USP9Y: variants seen among roughly 807,000 people sequenced by gnomAD.
The protein encoded by USP9Y is ubiquitin specific peptidase 9 Y-linked.
Under a neutral mutation model 53.1 loss-of-function variants are expected in USP9Y, and 41 were observed. The observed-to-expected ratio is 0.77, with a 90% confidence interval of 0.60 to 1.00. The LOEUF is 1.00. USP9Y is among the 50% of genes least tolerant of loss of function. The probability of loss-of-function intolerance (pLI) is 0.00; values close to 1 mark genes in which losing one functional copy is unlikely to be tolerated. For missense variants in USP9Y, 567 were observed against 535.8 expected (o/e 1.06, Z -0.58); for synonymous variants, 220 against 173.7 (o/e 1.27, Z -2.09).
chrY:12,809,872 G>A (rs2053528043), intron 27 of USP9Y, among the ~76,000 whole-genome samples: 1 of 32,864 alleles, frequency 3.0e-5, no homozygotes, highest in Non-Finnish European at 7.5e-5. Context: ...ATTGATTGAT[G>A]CTTACCTTTG....
intron 16 of USP9Y, among the ~76,000 whole-genome samples, chrY:12,772,942 A>G (rs2053487393): frequency 3.0e-5 from 1 of 32,793 alleles, no homozygotes; most frequent in Non-Finnish European, 7.4e-5. Flanking sequence ...GAAATAGTAG[A>G]CAGAGTGGGT....
chrY:12,814,427 C>T, intron 31 of USP9Y, among the ~76,000 whole-genome samples: 2 of 22,316 alleles, frequency 9.0e-5, no homozygotes, highest in African/African-American at 1.9e-4. Flanking sequence ...ACTTGGGAGG[C>T]TGAGGCAGGA....
chrY:12,755,538 T>C (rs2053467571), intron 12 of USP9Y, among the ~76,000 whole-genome samples: 1 of 33,547 alleles, frequency 3.0e-5, no homozygotes, highest in East Asian at 7.7e-4. Context: ...TTTTATGTTC[T>C]GCTTATTCTC....
chrY:12,706,813 G>A (rs2053419671), intron 1 of USP9Y, among the ~76,000 whole-genome samples: 1 of 33,289 alleles, frequency 3.0e-5, no homozygotes, highest in African/African-American at 1.2e-4. Context: ...TATACTTCAC[G>A]TTTGGTTTTT....
chrY:12,778,188 G>A lies in USP9Y; in HGVS notation c.2809G>A (p.Val937Met). Residue 937 changes from valine to methionine, a missense_variant, in exon 20 of 46, where the codon GTG becomes ATG. Coordinates refer to ENST00000338981, the MANE Select transcript of USP9Y (RefSeq NM_004654.4). ...AGCCCACAAAAAAATTGAACTTTTTGTGGGTGGTGAGCTGATAGATTCTGA... is the reference window on the plus strand; with the variant it reads ...AGCCCACAAAAAAATTGAACTTTTTATGGGTGGTGAGCTGATAGATTCTGA... ...NVAHKKIELF[V>M]GGELIDSEDD... The A allele has an allele frequency of 2.5e-6, 1 of 397,399 alleles. No homozygotes were observed. The highest frequency in any genetic ancestry group is 3.0e-5 in the South Asian group (1 of 33,662).
chrY:12,795,066 TGTC>T (rs2148287426), intron 27 of USP9Y, among the ~76,000 whole-genome samples: 1 of 33,746 alleles, frequency 3.0e-5, no homozygotes, highest in South Asian at 6.6e-4. Context: ...GAACATGGGA[TGTC>T]TTTTCATTTA....
intron 12 of USP9Y, among the ~76,000 whole-genome samples, chrY:12,756,186 C>A (rs2053468229): frequency 6.0e-5 from 2 of 33,249 alleles, no homozygotes; most frequent in African/African-American, 2.3e-4. Flanking sequence ...CACTAGTTGG[C>A]CTTCTTTATC....
Position 12,846,427 on chromosome Y carries a change from T to C in USP9Y, c.6663T>C (p.Tyr2221=). 7.6e-6 allele frequency: 3 copies of C among 396,012 alleles called. No homozygotes were observed. Among genetic ancestry groups the C allele is most frequent in the Non-Finnish European group, 1.1e-5 (3 of 282,802 alleles). Reference sequence around the variant, plus strand: ...AAGGACCAGGTCCTCCAATCAAATATCAGTATGCTGAATTAGGCAAGTTAT... The same window carrying C: ...AAGGACCAGGTCCTCCAATCAAATACCAGTATGCTGAATTAGGCAAGTTAT... The part of the protein sequence containing the change: ...LDEGPGPPIK[Y]QYAELGKLYS... The change falls in exon 40 of 46, where the codon TAT becomes TAC. Residue 2221 remains tyrosine (Y), a synonymous_variant. Transcript: ENST00000338981.
intron 32 of USP9Y, 48 bp from the exon 33 acceptor site, chrY:12,818,372 T>C: frequency 3.0e-6 from 1 of 331,132 alleles, no homozygotes; most frequent in Non-Finnish European, 4.5e-6. Flanking sequence ...TCTTTCGTTA[T>C]ACTGTTAAAG....
At chrY:12,761,909 G>T (rs774750412) in intron 15 of USP9Y, among the ~76,000 whole-genome samples, 1 of 33,541 alleles carries the variant, frequency 3.0e-5, no homozygotes, top group East Asian at 7.7e-4. Context: ...GAAAACTTAA[G>T]TAACTTCCAG....
At chrY:12,725,267 T>C (rs773504008) in intron 6 of USP9Y, 42 bp downstream of exon 6, 1 of 304,034 alleles carries the variant, frequency 3.3e-6, no homozygotes, top group South Asian at 3.2e-5. Context: ...ATTTACATGG[T>C]GATTCCTGTG....
intron 44 of USP9Y, 49 bp from the exon 45 acceptor site, chrY:12,857,517 A>G (rs2053578772): frequency 3.4e-6 from 1 of 293,364 alleles, no homozygotes; most frequent in Non-Finnish European, 5.0e-6. Flanking sequence ...ATAAATTTGA[A>G]GTTACTTTTA....
chrY:12,804,755 C>T, intron 27 of USP9Y, among the ~76,000 whole-genome samples: 2 of 32,599 alleles, frequency 6.1e-5, no homozygotes, highest in Non-Finnish European at 1.5e-4. Flanking sequence ...GTCAGGAGTT[C>T]GAGGCCAGTC....
chrY:12,706,378 C>G, intron 1 of USP9Y, among the ~76,000 whole-genome samples: 2 of 33,670 alleles, frequency 5.9e-5, no homozygotes, highest in Non-Finnish European at 1.5e-4. Context: ...AGAAGAAGTT[C>G]AGATATTGGG....
At chrY:12,780,983 G>A in intron 22 of USP9Y, among the ~76,000 whole-genome samples, 1 of 32,940 alleles carries the variant, frequency 3.0e-5, no homozygotes, top group Non-Finnish European at 7.5e-5. Flanking sequence ...CCATTTACCT[G>A]ATCACTGATT....
At chrY:12,795,700 A>T (rs2053512245) in intron 27 of USP9Y, among the ~76,000 whole-genome samples, 1 of 33,338 alleles carries the variant, frequency 3.0e-5, no homozygotes, top group Non-Finnish European at 7.4e-5. Flanking sequence ...TGGATTATTC[A>T]TGGGTTTTCT....
chrY:12,746,193 G>A, intron 12 of USP9Y, among the ~76,000 whole-genome samples: 1 of 33,510 alleles, frequency 3.0e-5, no homozygotes, highest in Non-Finnish European at 7.4e-5. Flanking sequence ...CTAGAATCTT[G>A]GATATCCCAT....
chrY:12,729,948 C>CT, intron 7 of USP9Y, among the ~76,000 whole-genome samples: 1 of 32,230 alleles, frequency 3.1e-5, no homozygotes. Flanking sequence ...TGTGCAAGGC[C>CT]TTTTTTTCCT....
rs986476579 is a variant in USP9Y, at chrY:12,709,494, A to G, written c.47A>G (p.Gln16Arg). 1.0e-5 allele frequency: 4 copies of G among 396,882 alleles called. No individual in the cohort carries two copies. The highest frequency in any genetic ancestry group is 7.5e-5 in the Admixed American group (1 of 13,251). ...TCTCCAGTAGGAGGGAACGACAGCC[A>G]GGGCCAGGTTCTTGATGGCCAGTCT... ...HGSPVGGNDS[Q>R]GQVLDGQSQH... The change falls in exon 3 of 46, where the codon CAG (glutamine) becomes CGG (arginine). Residue 16 changes from glutamine to arginine, a missense_variant. Gln to Arg is a conservative substitution (Grantham distance 43). Transcript: ENST00000338981.
Sources: gnomAD v4.1 joint callset for allele counts (sites outside exome capture counted in the v4.1 genomes callset) on GRCh38, gnomAD v4.1.1 for gene constraint, MANE v1.5 for transcripts, NCBI Gene and HGNC (gene_info 2026-07-23, HGNC 2026-07-21) for gene names.